The following TTLL11 variants were observed in gnomAD, a reference collection of about 807,000 sequenced individuals.
TTLL11 encodes the protein tubulin tyrosine ligase like 11.
TTLL11 carries 42 observed loss-of-function variants against 51.7 expected under a neutral mutation model. The ratio of observed to expected loss-of-function variants is 0.81; its 90% confidence interval spans 0.64 to 1.05. The LOEUF is 1.05. Among genes scored for constraint, TTLL11 ranks in the 50% least tolerant of loss-of-function variants. TTLL11 has a pLI of 0.00. For synonymous variants in TTLL11, 381 were observed against 383.5 expected, an observed-to-expected ratio of 0.99 and a Z score of 0.08; for missense variants, 799 against 940.4, an observed-to-expected ratio of 0.85 and a Z score of 1.97.
At chr9:121,878,112 T>G (rs1275878553) in intron 6 of TTLL11, among the ~76,000 whole-genome samples, 3 of 152,176 alleles carry the variant, frequency 2.0e-5, no homozygotes, top group African/African-American at 7.2e-5. Context: ...CTTGATGTAG[T>G]TATACAACTT....
At chr9:121,988,898 G>A in intron 4 of TTLL11, 1 of 553,170 alleles carries the variant, frequency 1.8e-6, no homozygotes, top group Non-Finnish European at 3.0e-6. Context: ...ACGAATGAAT[G>A]TAAAACTCTG....
chr9:121,868,780 A>G (rs1838255090), intron 7 of TTLL11, among the ~76,000 whole-genome samples: 2 of 152,246 alleles, frequency 1.3e-5, no homozygotes, highest in African/African-American at 4.8e-5. Context: ...AATGAGTCAG[A>G]GAGTATCATG....
intron 6 of TTLL11, among the ~76,000 whole-genome samples, chr9:121,934,902 A>T (rs1187243804): frequency 6.6e-6 from 1 of 152,166 alleles, no homozygotes; most frequent in Non-Finnish European, 1.5e-5. Context: ...ACTTTGAAGT[A>T]TGTGGCAGTG....
At chr9:121,985,897 A>G (rs1387503959) in intron 4 of TTLL11, among the ~76,000 whole-genome samples, 4 of 152,244 alleles carry the variant, frequency 2.6e-5, no homozygotes, top group African/African-American at 9.6e-5. Flanking sequence ...CTAACACCTT[A>G]TACCCTGTCA....
At position 121,853,573 on chromosome 9, in the gene TTLL11, C is replaced by T. The variant is rs548069974; in HGVS notation, c.1840+6764G>A. 1.7e-4 allele frequency among the ~76,000 whole-genome samples: 26 copies of T among 152,138 alleles called. No homozygotes were observed. Among genetic ancestry groups the T allele is most frequent in the Non-Finnish European group, 2.9e-4 (20 of 68,016 alleles). ...GTCCAGCTCTCAAGGCCCTGAAATG[C>T]GCCAATGTCCTCCCCTGGGGTTGGA... On this transcript the variant is annotated intron_variant, in intron 8 of 8. Coordinates refer to ENST00000321582, the MANE Select transcript of TTLL11 (RefSeq NM_001139442.2). This position sits in a 1 kb window ranked among gnomAD's most constrained non-coding sequence, Gnocchi z 5.6.
In TTLL11 at chr9:122,002,944, C is replaced by CAAAAA. The variant is rs547408355; in HGVS notation, c.694-13179_694-13175dup. ...CTGGCAACAGAGTGAGACTCTGTCTCAAAAAAAAAAAAAAAAAAAAGAGAT... is the reference window on the plus strand; with the variant it reads ...CTGGCAACAGAGTGAGACTCTGTCTCAAAAAAAAAAAAAAAAAAAAAAAAAGAGAT... On this transcript the variant is annotated intron_variant, in intron 3 of 8. Transcript: ENST00000321582. Among the ~76,000 whole-genome samples the CAAAAA allele has an allele frequency of 3.6e-3, 221 of 61,204 alleles. 10 individuals are homozygous for CAAAAA. Among genetic ancestry groups the CAAAAA allele is most frequent in the African/African-American group, 0.017 (200 of 11,882 alleles). The allele number at this position is 61,204 out of a possible 152,430, so 40.2% of individuals were successfully genotyped here.
rs185558735 is a variant in TTLL11 at position 121,834,221 on chromosome 9, T to C, written c.1841-11342A>G. 2.6e-5 allele frequency among the ~76,000 whole-genome samples: 4 copies of C among 152,282 alleles called. No homozygotes were observed. In the East Asian group the frequency reaches 7.7e-4, roughly 29 times the overall value. On this transcript the variant is annotated intron_variant, in intron 8 of 8. Coordinates refer to ENST00000321582, the MANE Select transcript of TTLL11 (RefSeq NM_001139442.2). ...GGGCATCTTGCAGCCCAGCTCCCTG[T>C]CTGCTGCTGCACGGTTCCCCTAGAC...
chr9:121,902,003 A>G (rs1405148974), intron 6 of TTLL11, among the ~76,000 whole-genome samples: 1 of 152,002 alleles, frequency 6.6e-6, no homozygotes, highest in Non-Finnish European at 1.5e-5. Flanking sequence ...GTTTCTTCAG[A>G]TATCTAATCT....
intron 3 of TTLL11, among the ~76,000 whole-genome samples, chr9:122,016,584 C>A (rs1035456324): frequency 2.0e-5 from 3 of 152,188 alleles, no homozygotes; most frequent in African/African-American, 7.2e-5. Flanking sequence ...GGTTCCTAAA[C>A]CCAGCGGAGG....
intron 3 of TTLL11, among the ~76,000 whole-genome samples, chr9:121,990,081 AG>A (rs1345046795): frequency 1.3e-5 from 2 of 152,246 alleles, no homozygotes; most frequent in African/African-American, 2.4e-5. Context: ...AACTAATAAT[AG>A]TGCTGAGAAT....
At chr9:121,863,443 A>G (rs1479634575) in intron 7 of TTLL11, among the ~76,000 whole-genome samples, 1 of 152,172 alleles carries the variant, frequency 6.6e-6, no homozygotes, top group African/African-American at 2.4e-5. Flanking sequence ...TAAAAGGGAA[A>G]CCAAACTGAC....
chr9:121,883,505 C>T (rs892823681), intron 6 of TTLL11, among the ~76,000 whole-genome samples: 1 of 152,178 alleles, frequency 6.6e-6, no homozygotes, highest in African/African-American at 2.4e-5. Flanking sequence ...ACATTCTTTC[C>T]TCAAAGAACT....
intron 6 of TTLL11, among the ~76,000 whole-genome samples, chr9:121,897,640 A>ACACACACACACACACACACACACGCG (rs111331446): frequency 0.01 from 1,458 of 139,234 alleles, 14 homozygotes; most frequent in East Asian, 0.022. Flanking sequence ...ACACACACAC[A>ACACACACACACACACACACACACGCG]CGCGCGCGCG....
Position 122,092,670 on chromosome 9 carries a change from G to A in TTLL11, c.462+17C>T. ...CACCCCACTGTGCCCACGCGGCCGG[G>A]TCGGGCCGGGCCTCACCTCCTTCCA... On this transcript the variant is annotated intron_variant, in intron 1 of 8. Transcript: ENST00000321582. 6.5e-7 allele frequency: 1 copy of A among 1,536,408 alleles called. No homozygotes were observed. The highest frequency in any genetic ancestry group is 8.7e-7 in the Non-Finnish European group (1 of 1,146,704).
chr9:121,962,695 G>C (rs188983104), intron 6 of TTLL11, among the ~76,000 whole-genome samples: 74 of 152,320 alleles, frequency 4.9e-4, no homozygotes, highest in African/African-American at 1.6e-3. Context: ...GGAATTTTCT[G>C]TCTTGGACTC....
chr9:122,085,776 T>C lies in TTLL11; in HGVS notation c.462+6911A>G, dbSNP rs545360828. ...TTCCCTCATTTACTCTCACAAAAAT[T>C]CTGTGAGATAGATAGCACTAGCCCA... On this transcript the variant is annotated intron_variant, in intron 1 of 8. Transcript: ENST00000321582. Among the ~76,000 whole-genome samples the C allele has an allele frequency of 7.9e-5, 12 of 152,306 alleles. 1 individual carries two copies. The East Asian group carries it at 2.3e-3, about 29-fold the overall frequency.
chr9:122,093,142 G>A lies in TTLL11; in HGVS notation c.7C>T (p.Arg3Trp), dbSNP rs1383436631. ...GCCAGCTCGCTCTCGGAGCTGCCCCGCCGCATGGTGCTCAGGGCCGGGGCC... is the reference window on the plus strand; with the variant it reads ...GCCAGCTCGCTCTCGGAGCTGCCCCACCGCATGGTGCTCAGGGCCGGGGCC... The part of the protein sequence containing the change: MR[R>W]GSSESELAAR... Residue 3 changes from arginine (R) to tryptophan (W), a missense_variant, in exon 1 of 9, where the codon CGG (arginine) becomes TGG (tryptophan). This residue lies in a region of TTLL11 where 166 missense variants were observed against 161.6 expected (regional missense o/e 1.03). Coordinates refer to ENST00000321582, the MANE Select transcript of TTLL11 (RefSeq NM_001139442.2). 10 of 1,489,988 alleles carry A rather than the reference G, an allele frequency of 6.7e-6. No homozygotes were observed. The South Asian group carries it at 1.3e-4, about 19-fold the overall frequency. The allele number at this position is 1,489,988 out of a possible 1,614,324, so 92.3% of individuals were successfully genotyped here.
intron 3 of TTLL11, among the ~76,000 whole-genome samples, chr9:121,997,288 A>G (rs1843304738): frequency 6.6e-6 from 1 of 151,988 alleles, no homozygotes; most frequent in African/African-American, 2.4e-5. Flanking sequence ...GTCCCTTCTC[A>G]CACCCTGCCC....
chr9:121,909,605 C>T (rs1314280690), intron 6 of TTLL11, among the ~76,000 whole-genome samples: 1 of 152,168 alleles, frequency 6.6e-6, no homozygotes, highest in Non-Finnish European at 1.5e-5. Context: ...GGGTCCATGG[C>T]AAATGAGTAC....
Sources: allele counts gnomAD v4.1 joint callset (sites outside exome capture counted in the v4.1 genomes callset), GRCh38; gene constraint gnomAD v4.1.1; regional missense constraint gnomAD v4.1.1; non-coding constraint Gnocchi (gnomAD v3.1); transcripts MANE v1.5; gene names NCBI Gene and HGNC (gene_info 2026-07-23, HGNC 2026-07-21).